DRC11: variants seen among roughly 807,000 people sequenced by gnomAD.
DRC11 encodes dynein regulatory complex subunit 11.
the DRC11 span, among the ~76,000 whole-genome samples, chr2:236,359,440 G>A: frequency 6.6e-6 from 1 of 152,150 alleles, no homozygotes; most frequent in Non-Finnish European, 1.5e-5. The surrounding 1 kb of genome is among the most constrained non-coding windows in gnomAD (Gnocchi z 4.3). Context: ...TGTGAGTGAG[G>A]CGAATGCCAC....
chr2:236,312,660 A>C, the DRC11 span, among the ~76,000 whole-genome samples: 1 of 152,030 alleles, frequency 6.6e-6, no homozygotes, highest in Non-Finnish European at 1.5e-5. Flanking sequence ...ACAGCAAGTT[A>C]AATCCCAAGA....
At chr2:236,408,493 A>G in the DRC11 span, 2 of 737,624 alleles carry the variant, frequency 2.7e-6, no homozygotes, top group Non-Finnish European at 5.1e-6. The surrounding 1 kb of genome is among the most constrained non-coding windows in gnomAD (Gnocchi z 5.5). Context: ...GCCCCAGTCC[A>G]GCTTCTTGGC....
the DRC11 span, among the ~76,000 whole-genome samples, chr2:236,367,169 G>A: frequency 6.6e-6 from 1 of 150,542 alleles, no homozygotes; most frequent in African/African-American, 2.4e-5. The surrounding 1 kb of genome is among the most constrained non-coding windows in gnomAD (Gnocchi z 4.8). Flanking sequence ...ATGGAAGTGT[G>A]AGGTCTCCTC....
chr2:236,403,712 T>C, the DRC11 span, among the ~76,000 whole-genome samples: 1 of 152,164 alleles, frequency 6.6e-6, no homozygotes, highest in Non-Finnish European at 1.5e-5. Flanking sequence ...TTATCTTGAT[T>C]TTTACAAATG....
the DRC11 span, among the ~76,000 whole-genome samples, chr2:236,458,291 A>G: frequency 4.6e-5 from 7 of 152,240 alleles, no homozygotes; most frequent in Admixed American, 4.6e-4. Context: ...TTCATCCAGT[A>G]CAAAGAAAAA....
At chr2:236,423,937 A>T in the DRC11 span, among the ~76,000 whole-genome samples, 12 of 151,922 alleles carry the variant, frequency 7.9e-5, no homozygotes, top group Admixed American at 7.9e-4. Flanking sequence ...CATTCTGCGC[A>T]AACTATCGCA....
chr2:236,440,103 C>A, the DRC11 span, among the ~76,000 whole-genome samples: 2 of 152,134 alleles, frequency 1.3e-5, no homozygotes, highest in African/African-American at 2.4e-5. Context: ...GAGAAGTTGA[C>A]AGGCTAAGGA....
chr2:236,462,438 G>A, the DRC11 span, among the ~76,000 whole-genome samples: 3 of 152,138 alleles, frequency 2.0e-5, no homozygotes, highest in East Asian at 1.9e-4. This position sits in a 1 kb window ranked among gnomAD's most constrained non-coding sequence, Gnocchi z 6.4. Flanking sequence ...TTGGGAGGTC[G>A]AGGCGGGTGG....
the DRC11 span, among the ~76,000 whole-genome samples, chr2:236,440,235 T>C: frequency 5.3e-5 from 8 of 152,300 alleles, no homozygotes; most frequent in African/African-American, 1.9e-4. Context: ...AAGGTGTCCA[T>C]GTGAAGTAGC....
the DRC11 span, among the ~76,000 whole-genome samples, chr2:236,358,398 CATAT>C: frequency 2.4e-5 from 3 of 127,082 alleles, no homozygotes; most frequent in Non-Finnish European, 5.0e-5. Flanking sequence ...ATATGAATAT[CATAT>C]ATAAATATAT....
At chr2:236,493,637 T>C in the DRC11 span, 1 of 686,738 alleles carries the variant, frequency 1.5e-6, no homozygotes, top group Non-Finnish European at 2.3e-6. Context: ...TCTTATGTAC[T>C]GTATAACGAG....
the DRC11 span, among the ~76,000 whole-genome samples, chr2:236,440,085 T>C: frequency 6.6e-6 from 1 of 152,206 alleles, no homozygotes; most frequent in East Asian, 1.9e-4. Flanking sequence ...TTAAAAGTCC[T>C]TCCTCTTGAG....
chr2:236,438,260 C>T, the DRC11 span, among the ~76,000 whole-genome samples: 11,849 of 125,454 alleles, frequency 0.094, 515 homozygotes, highest in Non-Finnish European at 0.14. Flanking sequence ...TGTAGATATG[C>T]GGCGTTATTT....
At chr2:236,494,471 G>A in the DRC11 span, among the ~76,000 whole-genome samples, 3 of 152,052 alleles carry the variant, frequency 2.0e-5, no homozygotes, top group African/African-American at 7.2e-5. The surrounding 1 kb of genome is among the most constrained non-coding windows in gnomAD (Gnocchi z 4.2). Flanking sequence ...ACCAGTGGGG[G>A]TTCAGATGAA....
chr2:236,463,935 G>A, the DRC11 span, among the ~76,000 whole-genome samples: 1 of 152,210 alleles, frequency 6.6e-6, no homozygotes, highest in Admixed American at 6.5e-5. This position sits in a 1 kb window ranked among gnomAD's most constrained non-coding sequence, Gnocchi z 5.0. Context: ...TGGTTGGTGG[G>A]CAGCACTTAG....
chr2:236,424,001 TGAG>T, the DRC11 span, among the ~76,000 whole-genome samples: 1 of 131,150 alleles, frequency 7.6e-6, no homozygotes, highest in Non-Finnish European at 1.5e-5. Context: ...AATTGAACAA[TGAG>T]AACACATGGA....
the DRC11 span, among the ~76,000 whole-genome samples, chr2:236,456,290 G>C: frequency 1.3e-5 from 2 of 152,106 alleles, no homozygotes; most frequent in African/African-American, 4.8e-5. The surrounding 1 kb of genome is among the most constrained non-coding windows in gnomAD (Gnocchi z 5.4). Context: ...TTTAAGATGA[G>C]GAAACAGAGG....
chr2:236,428,477 AT>A, the DRC11 span, among the ~76,000 whole-genome samples: 2 of 152,068 alleles, frequency 1.3e-5, no homozygotes, highest in Non-Finnish European at 2.9e-5. Flanking sequence ...TCTCTTTATA[AT>A]TATATAATGA....
chr2:236,367,941 C>T, the DRC11 span: 58 of 511,674 alleles, frequency 1.1e-4, no homozygotes, highest in Non-Finnish European at 1.8e-4. The surrounding 1 kb of genome is among the most constrained non-coding windows in gnomAD (Gnocchi z 4.8). Flanking sequence ...ATCTCCCCAG[C>T]TCATTGCCTG....
Sources: gnomAD v4.1 joint callset for allele counts (sites outside exome capture counted in the v4.1 genomes callset) on GRCh38, gnomAD v4.1.1 for gene constraint, Gnocchi (gnomAD v3.1) non-coding constraint, MANE v1.5 for transcripts, NCBI Gene and HGNC (gene_info 2026-07-23, HGNC 2026-07-21) for gene names.